The following RYR2 variants were observed in gnomAD, a reference collection of about 807,000 sequenced individuals.
The protein encoded by RYR2 is cardiac muscle ryanodine receptor-calcium release channel.
A neutral mutation model predicts 601.1 loss-of-function variants in RYR2; 227 were observed. The ratio of observed to expected loss-of-function variants is 0.38; its 90% confidence interval spans 0.34 to 0.42. RYR2 has a LOEUF of 0.42. Ranked by LOEUF, RYR2 falls within the 10% of genes least tolerant of loss-of-function variation. The probability of loss-of-function intolerance (pLI) is 1.00; values close to 1 mark genes in which losing one functional copy is unlikely to be tolerated. For missense variants in RYR2, 4,646 were observed against 6,156.5 expected, an observed-to-expected ratio of 0.75 and a Z score of 8.21; for synonymous variants, 2,223 against 2,175.1, an observed-to-expected ratio of 1.02 and a Z score of -0.61.
chr1:237,156,489 G>A (rs777826513), intron 1 of RYR2, among the ~76,000 whole-genome samples: 34 of 152,210 alleles, frequency 2.2e-4, no homozygotes, highest in Non-Finnish European at 4.1e-4. Context: ...TGTTCCCAAA[G>A]CTATTAATAG....
chr1:237,433,416 G>T (rs1234977012), intron 12 of RYR2, among the ~76,000 whole-genome samples: 2 of 151,984 alleles, frequency 1.3e-5, no homozygotes, highest in African/African-American at 4.8e-5. Context: ...ATGCTGAAAA[G>T]TATTTTCTGC....
chr1:237,532,086 G>A (rs191671592), intron 25 of RYR2, among the ~76,000 whole-genome samples: 1 of 151,946 alleles, frequency 6.6e-6, no homozygotes, highest in Admixed American at 6.6e-5. Flanking sequence ...TGTTTTCTGC[G>A]ATCATAGTCA....
intron 1 of RYR2, among the ~76,000 whole-genome samples, chr1:237,112,885 C>T (rs1472736484): frequency 1.3e-5 from 2 of 152,128 alleles, no homozygotes; most frequent in Admixed American, 1.3e-4. Context: ...ATCCTTAATC[C>T]TGTATCTCGG....
At chr1:237,660,264 C>CT (rs1683652075) in intron 55 of RYR2, among the ~76,000 whole-genome samples, 190 bp downstream of exon 55, 2 of 151,140 alleles carry the variant, frequency 1.3e-5, no homozygotes, top group East Asian at 1.9e-4. Context: ...TTTCTGTCAG[C>CT]CTTTCTGTGT....
intron 2 of RYR2, among the ~76,000 whole-genome samples, chr1:237,324,722 T>C (rs1357801878): frequency 1.3e-5 from 2 of 152,238 alleles, no homozygotes; most frequent in African/African-American, 4.8e-5. Flanking sequence ...TCTTGGCTAG[T>C]TACCCATGAG....
At chr1:237,301,897 G>C (rs1297331662) in intron 2 of RYR2, among the ~76,000 whole-genome samples, 3 of 152,188 alleles carry the variant, frequency 2.0e-5, no homozygotes, top group Non-Finnish European at 4.4e-5. Context: ...CAGAGTTAAA[G>C]TGCGTGTGAT....
At chr1:237,311,187 C>G (rs1340160901) in intron 2 of RYR2, among the ~76,000 whole-genome samples, 1 of 152,178 alleles carries the variant, frequency 6.6e-6, no homozygotes, top group Non-Finnish European at 1.5e-5. Flanking sequence ...GAAAATTATA[C>G]TGGTTATGTA....
At chr1:237,637,474 C>A (rs368425124) in intron 44 of RYR2, among the ~76,000 whole-genome samples, 3 of 152,224 alleles carry the variant, frequency 2.0e-5, no homozygotes, top group African/African-American at 7.2e-5. Context: ...GTCATCTTAT[C>A]AAAAATTTCC....
intron 101 of RYR2, among the ~76,000 whole-genome samples, chr1:237,821,467 A>C (rs756986244): frequency 4.6e-5 from 7 of 152,158 alleles, no homozygotes; most frequent in African/African-American, 1.7e-4. Context: ...AACAGAAAGG[A>C]ATAGTATCAA....
At chr1:237,148,526 A>T (rs112307063) in intron 1 of RYR2, among the ~76,000 whole-genome samples, 91 of 79,768 alleles carry the variant, frequency 1.1e-3, no homozygotes, top group African/African-American at 5.2e-3. Flanking sequence ...AAAAAAAAAA[A>T]AATATATATA....
chr1:237,173,910 A>C (rs1677709863), intron 1 of RYR2, among the ~76,000 whole-genome samples: 1 of 152,088 alleles, frequency 6.6e-6, no homozygotes, highest in African/African-American at 2.4e-5. Context: ...CGAAAAAATT[A>C]GCCTGGCGTG....
chr1:237,127,328 G>A (rs1359448196), intron 1 of RYR2, among the ~76,000 whole-genome samples: 2 of 151,608 alleles, frequency 1.3e-5, no homozygotes, highest in African/African-American at 4.8e-5. Context: ...TGGTGGCCGG[G>A]CAGAGGGGCT....
chr1:237,214,370 AGG>A (rs1342507075), intron 1 of RYR2, among the ~76,000 whole-genome samples: 2 of 152,348 alleles, frequency 1.3e-5, no homozygotes, highest in East Asian at 1.9e-4. Flanking sequence ...AGGCTGTACA[AGG>A]GGCATGACAC....
intron 80 of RYR2, among the ~76,000 whole-genome samples, chr1:237,751,672 T>C (rs1169187141): frequency 2.0e-5 from 3 of 152,230 alleles, no homozygotes; most frequent in Non-Finnish European, 4.4e-5. Flanking sequence ...ACTGAATTAC[T>C]TGACCCTGGT....
chr1:237,386,699 G>A (rs551076802), intron 8 of RYR2, among the ~76,000 whole-genome samples: 1 of 152,300 alleles, frequency 6.6e-6, no homozygotes, highest in South Asian at 2.1e-4. Context: ...TTTTAGGAAG[G>A]AAAATCTGAA....
At chr1:237,182,816 AGC>A (rs1338389531) in intron 1 of RYR2, among the ~76,000 whole-genome samples, 2 of 152,228 alleles carry the variant, frequency 1.3e-5, no homozygotes, top group Non-Finnish European at 2.9e-5. Flanking sequence ...TGGGAAAAGT[AGC>A]CAGAGGCCAG....
At position 237,792,349 on chromosome 1, in the gene RYR2, C is replaced by CTG. The variant is rs34337859; in HGVS notation, c.13782+57_13782+58dup. The CTG allele has an allele frequency of 7.3e-3, 5,182 of 705,322 alleles. 31 individuals carry two copies. Among genetic ancestry groups the CTG allele is most frequent in the African/African-American group, 0.031 (1,550 of 50,030 alleles). The allele number at this position is 705,322 out of a possible 1,614,324, so 43.7% of individuals were successfully genotyped here. On this transcript the variant is annotated intron_variant, in intron 94 of 104. Transcript: ENST00000366574. ...GTAAGATAGTAAGGCACCAAGGTAC[C>CTG]TGTGTGTGTGTGTGTGTGTGTGTGT...
At chr1:237,487,808 A>G (rs932767788) in intron 17 of RYR2, among the ~76,000 whole-genome samples, 1 of 151,340 alleles carries the variant, frequency 6.6e-6, no homozygotes, top group Non-Finnish European at 1.5e-5. Context: ...ATTTCAGTTT[A>G]TTCCAATAAA....
At chr1:237,431,914 C>T (rs1284012909) in intron 12 of RYR2, among the ~76,000 whole-genome samples, 1 of 152,084 alleles carries the variant, frequency 6.6e-6, no homozygotes, top group Non-Finnish European at 1.5e-5. Flanking sequence ...TGCGACTCAT[C>T]AACAGATGAT....
Sources: allele counts gnomAD v4.1 joint callset (sites outside exome capture counted in the v4.1 genomes callset), GRCh38; gene constraint gnomAD v4.1.1; transcripts MANE v1.5; gene names NCBI Gene and HGNC (gene_info 2026-07-23, HGNC 2026-07-21).